The following PPIL6 variants were observed in gnomAD, a reference collection of about 807,000 sequenced individuals.
PPIL6 encodes probable inactive peptidyl-prolyl cis-trans isomerase-like 6.
PPIL6 carries 39 observed loss-of-function variants against 36.8 expected under a neutral mutation model. The observed-to-expected ratio is 1.06, with a 90% CI of 0.82 to 1.38. The LOEUF (loss-of-function observed/expected upper bound fraction) is 1.38. PPIL6 is among the 40% of genes most tolerant of loss of function. The probability of loss-of-function intolerance (pLI) is 0.00; values close to 1 mark genes in which losing one functional copy is unlikely to be tolerated. For synonymous variants in PPIL6, 123 were observed against 134.1 expected, an observed-to-expected ratio of 0.92 and a Z score of 0.57; for missense variants, 368 against 379.1, an observed-to-expected ratio of 0.97 and a Z score of 0.24.
chr6:109,401,729 T>TC (rs1772548997), intron 6 of PPIL6, among the ~76,000 whole-genome samples: 1 of 34,890 alleles, frequency 2.9e-5, no homozygotes, highest in South Asian at 9.7e-4. Flanking sequence ...AGAGTTTTTC[T>TC]TTTTTTTTTT....
At chr6:109,424,836 C>G (rs12200586) in intron 5 of PPIL6, among the ~76,000 whole-genome samples, 3,427 of 152,240 alleles carry the variant, frequency 0.023, 55 homozygotes, top group Non-Finnish European at 0.038. Flanking sequence ...CCTGTATGGT[C>G]TGAAAAAGGG....
At chr6:109,427,859 T>C (rs1198236975) in intron 3 of PPIL6, among the ~76,000 whole-genome samples, 1 of 152,200 alleles carries the variant, frequency 6.6e-6, no homozygotes, top group East Asian at 1.9e-4. Context: ...TCTACTTCGC[T>C]TCTTTCCTAT....
chr6:109,439,687 G>C (rs769541392), intron 1 of PPIL6, among the ~76,000 whole-genome samples: 4 of 152,162 alleles, frequency 2.6e-5, no homozygotes, highest in African/African-American at 9.7e-5. Flanking sequence ...GGGTACTTCG[G>C]GAGTTAAAAA....
intron 7 of PPIL6, among the ~76,000 whole-genome samples, chr6:109,393,738 C>T (rs1217995986): frequency 6.6e-6 from 1 of 152,026 alleles, no homozygotes; most frequent in Non-Finnish European, 1.5e-5. Context: ...ACCTCAAGAG[C>T]TCCACACTCC....
At chr6:109,400,653 C>CATGG (rs1441938465) in intron 6 of PPIL6, among the ~76,000 whole-genome samples, 2 of 152,116 alleles carry the variant, frequency 1.3e-5, no homozygotes, top group Non-Finnish European at 2.9e-5. Context: ...TATTGGTTTA[C>CATGG]ATGGCATTTC....
intron 5 of PPIL6, among the ~76,000 whole-genome samples, chr6:109,420,499 C>A (rs921821224): frequency 6.6e-6 from 1 of 151,936 alleles, no homozygotes; most frequent in Non-Finnish European, 1.5e-5. Context: ...TTCAGGTGTT[C>A]ACATGCTACG....
rs1772181222 is a variant in PPIL6, at chr6:109,393,626, A to C, written c.825-689T>G. ...AGGATGAAGACTATAAGTCCCTGCC[A>C]TTGCCTACCAGGGCCTGCACAGTCT... is the stretch of plus-strand genomic sequence containing the variant. On this transcript the variant is annotated intron_variant, in intron 7 of 7. Transcript: ENST00000521072. 3.3e-5 allele frequency among the ~76,000 whole-genome samples: 5 copies of C among 152,174 alleles called. No individual in the cohort carries two copies. The South Asian group carries it at 1.0e-3, about 32-fold the overall frequency.
intron 6 of PPIL6, among the ~76,000 whole-genome samples, chr6:109,401,789 G>A (rs138832079): frequency 0.078 from 10,442 of 134,712 alleles, 431 homozygotes; most frequent in South Asian, 0.15. Context: ...CAGTGGCGCG[G>A]TCTTGGTTCA....
At chr6:109,434,977 T>C (rs766221595) in intron 2 of PPIL6, among the ~76,000 whole-genome samples, 1 of 152,014 alleles carries the variant, frequency 6.6e-6, no homozygotes, top group Non-Finnish European at 1.5e-5. Flanking sequence ...AGGGTATAGA[T>C]AGAGGGGAGA....
upstream of PPIL6, chr6:109,440,720 C>G (rs1233575451): frequency 1.9e-6 from 1 of 530,338 alleles, no homozygotes; most frequent in Non-Finnish European, 2.5e-6. Context: ...GCGGCTGGGC[C>G]TTTCCTCAAC....
At chr6:109,421,948 C>T (rs9487097) in intron 5 of PPIL6, among the ~76,000 whole-genome samples, 69,014 of 151,968 alleles carry the variant, frequency 0.45, 16,918 homozygotes, top group African/African-American at 0.66. Flanking sequence ...ATCATCTCGG[C>T]TCACTGCAAC....
chr6:109,410,990 C>T (rs553568496), intron 6 of PPIL6, among the ~76,000 whole-genome samples: 10 of 152,284 alleles, frequency 6.6e-5, no homozygotes, highest in South Asian at 2.1e-4. Flanking sequence ...GTGCCCCAAC[C>T]GGCTCATTTT....
chr6:109,402,480 G>A (rs774299708), intron 6 of PPIL6, among the ~76,000 whole-genome samples: 1 of 151,598 alleles, frequency 6.6e-6, no homozygotes, highest in Non-Finnish European at 1.5e-5. Context: ...AGGTTGCAGT[G>A]AACTGAGATT....
At chr6:109,441,144 G>A (rs752471965), upstream of PPIL6, 4 of 1,614,038 alleles carry the variant, frequency 2.5e-6, no homozygotes, top group African/African-American at 2.7e-5. Context: ...TTCTCCCTGC[G>A]ACTGCGGATC....
rs931241037 is a variant in PPIL6, at chr6:109,413,593, C to T, written c.688+5594G>A. Among the ~76,000 whole-genome samples, 1 of 152,142 alleles carries T rather than the reference C, an allele frequency of 6.6e-6. No individual in the cohort carries two copies. Among genetic ancestry groups the T allele is most frequent in the African/African-American group, 2.4e-5 (1 of 41,418 alleles). ...CTAAAAATAGAGCTACCATATGATC[C>T]AGGAATCTCACTGCTGGGTATATAC... On this transcript the variant is annotated intron_variant, in intron 6 of 7. Transcript: ENST00000521072. This position sits in a 1 kb window ranked among gnomAD's most constrained non-coding sequence, Gnocchi z 4.6.
intron 6 of PPIL6, among the ~76,000 whole-genome samples, chr6:109,404,075 A>G (rs1772676734): frequency 1.3e-5 from 2 of 152,190 alleles, no homozygotes; most frequent in African/African-American, 4.8e-5. Flanking sequence ...GACCAACCGA[A>G]TAATAAAAAC....
At chr6:109,405,639 A>G (rs1349327372) in intron 6 of PPIL6, among the ~76,000 whole-genome samples, 3 of 152,166 alleles carry the variant, frequency 2.0e-5, no homozygotes, top group East Asian at 3.8e-4. Context: ...CCCCACTTAC[A>G]TTCTTCCACC....
intron 5 of PPIL6, among the ~76,000 whole-genome samples, chr6:109,426,416 A>G (rs1359652890): frequency 6.6e-6 from 1 of 152,164 alleles, no homozygotes; most frequent in Non-Finnish European, 1.5e-5. Context: ...TCCTTTAGAC[A>G]TTTCTTTTTA....
intron 3 of PPIL6, among the ~76,000 whole-genome samples, chr6:109,428,076 G>A (rs993498754): frequency 2.0e-5 from 3 of 152,194 alleles, no homozygotes; most frequent in African/African-American, 4.8e-5. Context: ...ATACCCTCAT[G>A]TGCACAGATG....
Sources: allele counts gnomAD v4.1 joint callset (sites outside exome capture counted in the v4.1 genomes callset), GRCh38; gene constraint gnomAD v4.1.1; non-coding constraint Gnocchi (gnomAD v3.1); transcripts MANE v1.5; gene names NCBI Gene and HGNC (gene_info 2026-07-23, HGNC 2026-07-21).